CC2D2B: variants seen among roughly 807,000 people sequenced by gnomAD.
CC2D2B encodes protein CC2D2B.
Under a neutral mutation model 161.2 loss-of-function variants are expected in CC2D2B, and 128 were observed. The observed-to-expected ratio is 0.79, with a 90% CI of 0.69 to 0.92. The LOEUF (loss-of-function observed/expected upper bound fraction) is 0.92, where lower values mean the gene tolerates loss of function less well. CC2D2B is among the 40% of genes least tolerant of loss of function. CC2D2B has a pLI of 0.00. For missense variants in CC2D2B, 1,173 were observed against 1,375.1 expected, an observed-to-expected ratio of 0.85 and a Z score of 2.32; for synonymous variants, 391 against 449.8, an observed-to-expected ratio of 0.87 and a Z score of 1.65.
At chr10:95,947,103 A>T (rs1337489408) in intron 9 of CC2D2B, among the ~76,000 whole-genome samples, 2 of 44,344 alleles carry the variant, frequency 4.5e-5, no homozygotes, top group African/African-American at 2.1e-4. Context: ...ATATATATAT[A>T]TATATATATA....
At chr10:95,971,256 G>A (rs1258558866) in intron 15 of CC2D2B, among the ~76,000 whole-genome samples, 3 of 151,932 alleles carry the variant, frequency 2.0e-5, no homozygotes, top group Non-Finnish European at 2.9e-5. Context: ...AGGTGTGGTG[G>A]TGGGCACCTG....
Position 95,974,023 on chromosome 10 carries a change from CT to C in CC2D2B, c.1812del (p.Glu605ArgfsTer11). 8.1e-7 allele frequency: 1 copy of C among 1,231,490 alleles called. No individual in the cohort carries two copies. The highest frequency in any genetic ancestry group is 1.0e-6 in the Non-Finnish European group (1 of 987,452). The allele number at this position is 1,231,490 out of a possible 1,614,324, so 76.3% of individuals were successfully genotyped here. ...GEVGSNVPFLLEGNGTEELCL... is the reference protein window; with the variant it reads ...GEVGSNVPFLXEGNGTEELCL... ...TTTATAAACAGATGTGCCTTTTCTTCTTGAGGGAAATGGAACTGAAGAACTC... is the reference window on the plus strand; with the variant it reads ...TTTATAAACAGATGTGCCTTTTCTTCTGAGGGAAATGGAACTGAAGAACTC... On this transcript the variant is annotated frameshift_variant, in exon 17 of 35. Transcript: ENST00000646931. LOFTEE classifies it high-confidence loss of function.
chr10:95,938,798 G>A lies in CC2D2B; in HGVS notation c.674G>A (p.Gly225Glu), dbSNP rs867558410. 1.4e-6 allele frequency: 1 copy of A among 705,790 alleles called. No individual in the cohort carries two copies. The highest frequency in any genetic ancestry group is 2.6e-6 in the Non-Finnish European group (1 of 382,032). The allele number at this position is 705,790 out of a possible 1,614,324, so 43.7% of individuals were successfully genotyped here. Residue 225 changes from glycine to glutamate, a missense_variant and splice_region_variant, in exon 9 of 35, where the codon GGA becomes GAA. Physicochemically the swap from Gly to Glu is moderately conservative, Grantham distance 98 (BLOSUM62 -2). Transcript: ENST00000646931. ...MENRLLKLEE[G>E]KCWFGESGEI... Reference sequence around the variant, plus strand: ...ACTATACTTAAATATTTTTGATAGGGAAAATGTTGGTTTGGAGAAAGTGGA... The same window carrying A: ...ACTATACTTAAATATTTTTGATAGGAAAAATGTTGGTTTGGAGAAAGTGGA...
In CC2D2B at chr10:96,032,118, GGGCCCA is replaced by G; in HGVS notation, c.*111_*116del. 1.2e-6 allele frequency: 1 copy of G among 818,110 alleles called. No individual in the cohort carries two copies. The highest frequency in any genetic ancestry group is 1.8e-5 in the South Asian group (1 of 55,220). The allele number at this position is 818,110 out of a possible 1,614,324, so 50.7% of individuals were successfully genotyped here. A position where few individuals can be genotyped will look rare whatever the true frequency, so the allele number is the denominator to read the frequency against. ...TTATTCTCAAGTCCAGCTAAGTGCTGGGCCCAATTTTTGATTCACTTACAGAGCTGG... is the reference window on the plus strand; with the variant it reads ...TTATTCTCAAGTCCAGCTAAGTGCTGATTTTTGATTCACTTACAGAGCTGG... On this transcript the variant is annotated 3_prime_UTR_variant, in exon 35 of 35. Coordinates refer to ENST00000646931, the MANE Select transcript of CC2D2B (RefSeq NM_001349008.3).
Position 95,961,852 on chromosome 10 carries a change from T to C in CC2D2B, c.1133T>C (p.Leu378Ser). The C allele has an allele frequency of 8.1e-7, 1 of 1,231,576 alleles. No homozygotes were observed. The highest frequency in any genetic ancestry group is 1.0e-6 in the Non-Finnish European group (1 of 987,588). The allele number at this position is 1,231,576 out of a possible 1,614,324, so 76.3% of individuals were successfully genotyped here. The change falls in exon 12 of 35, where the codon TTA becomes TCA. Residue 378 changes from leucine to serine, a missense_variant. This residue lies in a region of CC2D2B where 298 missense variants were observed against 261.2 expected (regional missense o/e 1.14). Coordinates refer to ENST00000646931, the MANE Select transcript of CC2D2B (RefSeq NM_001349008.3). The stretch of plus-strand genomic sequence containing the variant: ...AGTAATACAAAACAGATGTATGACT[T>C]AGAAAGGGGAAAGGACCTCTCCCTA... ...QISNTKQMYD[L>S]ERGKDLSLLH...
intron 2 of CC2D2B, among the ~76,000 whole-genome samples, chr10:95,914,331 G>T (rs890764795): frequency 6.7e-6 from 1 of 150,278 alleles, no homozygotes; most frequent in Non-Finnish European, 1.5e-5. Context: ...GTGTGTGCGC[G>T]TGTGTGTGTG....
At chr10:95,947,109 A>AT (rs1442941741) in intron 9 of CC2D2B, among the ~76,000 whole-genome samples, 31 of 40,052 alleles carry the variant, frequency 7.7e-4, no homozygotes, top group African/African-American at 3.8e-3. Context: ...ATATATATAT[A>AT]TATATTTTTT....
At chr10:95,941,044 A>G (rs140750201) in intron 9 of CC2D2B, among the ~76,000 whole-genome samples, 121 of 152,302 alleles carry the variant, frequency 7.9e-4, no homozygotes, top group African/African-American at 2.9e-3. Context: ...ACTTATGTAT[A>G]TACAGTCAAA....
In CC2D2B at chr10:96,000,041, T is replaced by G. The variant is rs149398695; in HGVS notation, c.2849+3789T>G. The G allele has an allele frequency of 9.9e-5, 143 of 1,444,710 alleles. 1 individual carries two copies. The African/African-American group carries it at 1.9e-3, about 19-fold the overall frequency. 89.5% of individuals were successfully genotyped at this position (1,444,710 alleles called of 1,614,324 possible). ...GTTTACAACAATGCCAACAGCATGT[T>G]GGGTAACATTGTAGACTCTTCCAGT... On this transcript the variant is annotated intron_variant, in intron 24 of 34. Transcript: ENST00000646931.
chr10:95,945,614 T>C (rs1006451871), intron 9 of CC2D2B, among the ~76,000 whole-genome samples: 1 of 152,148 alleles, frequency 6.6e-6, no homozygotes, highest in African/African-American at 2.4e-5. Flanking sequence ...GTTTTTGTGC[T>C]TTTATGTAGC....
chr10:95,995,225 T>C, intron 22 of CC2D2B, 44 bp from the exon 23 acceptor site: 1 of 1,152,534 alleles, frequency 8.7e-7, no homozygotes, highest in Non-Finnish European at 1.2e-6. Context: ...AAACTAATAT[T>C]AAAACTAATT....
chr10:95,971,295 A>C (rs2141494525), intron 15 of CC2D2B, among the ~76,000 whole-genome samples: 1 of 151,842 alleles, frequency 6.6e-6, no homozygotes, highest in South Asian at 2.1e-4. Context: ...AGGCTGAGGC[A>C]GGAGAATTGC....
chr10:95,977,809 T>C (rs1419716127), intron 17 of CC2D2B, among the ~76,000 whole-genome samples: 1 of 152,250 alleles, frequency 6.6e-6, no homozygotes, highest in Non-Finnish European at 1.5e-5. Context: ...AAGTCTGCTA[T>C]TGGTCTAAAT....
Position 95,947,078 on chromosome 10 carries a change from C to CAAAAAAAAAAAAAAA in CC2D2B, c.802-2813_802-2812insAAAAAAAAAAAAAAA, listed in dbSNP as rs368168752. On this transcript the variant is annotated intron_variant, in intron 9 of 34. Coordinates refer to ENST00000646931, the MANE Select transcript of CC2D2B (RefSeq NM_001349008.3). Reference sequence around the variant, plus strand: ...GTGCATAAATTCCAAATAGTGGACTCAAAAATATATATATATATATATATA... The same window carrying CAAAAAAAAAAAAAAA: ...GTGCATAAATTCCAAATAGTGGACTCAAAAAAAAAAAAAAAAAAAATATATATATATATATATATA... Among the ~76,000 whole-genome samples, 37 of 51,968 alleles carry CAAAAAAAAAAAAAAA rather than the reference C, an allele frequency of 7.1e-4. 1 individual carries two copies. Among genetic ancestry groups the CAAAAAAAAAAAAAAA allele is most frequent in the Admixed American group, 9.1e-4 (4 of 4,378 alleles). The allele number at this position is 51,968 out of a possible 152,430, so 34.1% of individuals were successfully genotyped here. A position where few individuals can be genotyped will look rare whatever the true frequency, so the allele number is the denominator to read the frequency against.
Position 95,968,019 on chromosome 10 carries a change from G to T in CC2D2B, c.1467-705G>T, listed in dbSNP as rs138650161. Among the ~76,000 whole-genome samples the T allele has an allele frequency of 1.8e-4, 28 of 152,264 alleles. 1 individual carries two copies. In the East Asian group the frequency reaches 5.4e-3, roughly 29 times the overall value. On this transcript the variant is annotated intron_variant, in intron 14 of 34. Transcript: ENST00000646931. ...CTAGGAAAATATTCAATAAACATTG[G>T]TTGAGTGAATTAAACAACGAATGAA... is the stretch of plus-strand genomic sequence containing the variant.
In CC2D2B at chr10:95,982,871, C is replaced by T. The variant is rs150226364; in HGVS notation, c.2083-735C>T. ...ACCACAACCTCCGCCTCCCAGGTTC[C>T]GGCAATTCTCTTGCCTCAGCCTCTC... On this transcript the variant is annotated intron_variant, in intron 18 of 34. Transcript: ENST00000646931. Among the ~76,000 whole-genome samples, 529 of 152,120 alleles carry T rather than the reference C, an allele frequency of 3.5e-3. 1 individual carries two copies. Among genetic ancestry groups the T allele is most frequent in the African/African-American group, 0.011 (470 of 41,500 alleles).
chr10:95,968,671 G>A (rs7922216), intron 14 of CC2D2B, 53 bp from the exon 15 acceptor site: 154,245 of 683,982 alleles, frequency 0.23, 19,083 homozygotes, highest in African/African-American at 0.43. Context: ...AGAACAATAT[G>A]TTATGTCTGT....
At position 95,983,459 on chromosome 10, in the gene CC2D2B, T is replaced by TTTG. The variant is rs2077606768; in HGVS notation, c.2083-145_2083-144insGTT. On this transcript the variant is annotated intron_variant, in intron 18 of 34. Transcript: ENST00000646931. The stretch of plus-strand genomic sequence containing the variant: ...AAGGCTGGATTCTATTTTGTTTTGT[T>TTTG]TTTTGTATGTTCTAGACTACAAATT... 5 of 409,026 alleles carry TTTG rather than the reference T, an allele frequency of 1.2e-5. No homozygotes were observed. The East Asian group carries it at 1.4e-4, about 12-fold the overall frequency. The allele number at this position is 409,026 out of a possible 1,614,324, so 25.3% of individuals were successfully genotyped here.
At chr10:95,990,308 T>C (rs983909667) in intron 20 of CC2D2B, among the ~76,000 whole-genome samples, 3 of 151,946 alleles carry the variant, frequency 2.0e-5, no homozygotes, top group Admixed American at 1.3e-4. Flanking sequence ...TAAATAGAAG[T>C]GGTCAAAGAA....
Sources: gnomAD v4.1 joint callset for allele counts (sites outside exome capture counted in the v4.1 genomes callset) on GRCh38, gnomAD v4.1.1 for gene constraint, gnomAD v4.1.1 regional missense constraint, MANE v1.5 for transcripts, NCBI Gene and HGNC (gene_info 2026-07-23, HGNC 2026-07-21) for gene names.